The following SCAPER variants were observed in gnomAD, a reference collection of about 807,000 sequenced individuals.
SCAPER encodes the protein S-phase cyclin A associated protein in the ER.
SCAPER carries 98 observed loss-of-function variants against 182.2 expected under a neutral mutation model. The ratio of observed to expected loss-of-function variants is 0.54; its 90% CI spans 0.46 to 0.64. The LOEUF is 0.64. Among genes scored for constraint, SCAPER ranks in the 30% least tolerant of loss-of-function variants. The pLI is 0.00. For synonymous variants in SCAPER, 605 were observed against 564.6 expected (o/e 1.07, Z -1.01); for missense variants, 1,432 against 1,690.0 (o/e 0.85, Z 2.68).
intron 15 of SCAPER, among the ~76,000 whole-genome samples, chr15:76,752,150 T>C: frequency 6.6e-6 from 1 of 151,296 alleles, no homozygotes; most frequent in Non-Finnish European, 1.5e-5. Flanking sequence ...TCACTAATCA[T>C]TAGAGAAATG....
intron 17 of SCAPER, among the ~76,000 whole-genome samples, chr15:76,723,553 TG>T (rs1284156910): frequency 6.6e-6 from 1 of 152,186 alleles, no homozygotes; most frequent in Non-Finnish European, 1.5e-5. Flanking sequence ...CCATTATTAT[TG>T]TGTGGAAGTC....
intron 25 of SCAPER, among the ~76,000 whole-genome samples, chr15:76,437,894 C>G (rs549117535): frequency 6.6e-6 from 1 of 152,302 alleles, no homozygotes; most frequent in Non-Finnish European, 1.5e-5. Context: ...CTTTGCTCAT[C>G]CTCAGGCTTT....
intron 14 of SCAPER, among the ~76,000 whole-genome samples, chr15:76,760,382 A>G (rs1457108771): frequency 6.6e-6 from 1 of 152,234 alleles, no homozygotes; most frequent in Non-Finnish European, 1.5e-5. Flanking sequence ...GGATGCAGAT[A>G]AACAGCCAGA....
chr15:76,511,843 A>ATATATGTGTGTGTG lies in SCAPER; in HGVS notation c.2839-6870_2839-6869insCACACACACATATA, dbSNP rs151255382. ...AGATACACTTATTATATATATATAT[A>ATATATGTGTGTGTG]TGTGTGTGTGTGTGTGTGTGTGTGT... On this transcript the variant is annotated intron_variant, in intron 23 of 31. Coordinates refer to ENST00000563290, the MANE Select transcript of SCAPER (RefSeq NM_020843.4). Among the ~76,000 whole-genome samples, 12 of 123,292 alleles carry ATATATGTGTGTGTG rather than the reference A, an allele frequency of 9.7e-5. No homozygotes were observed. In the East Asian group the frequency reaches 1.2e-3, roughly 12 times the overall value. The allele number at this position is 123,292 out of a possible 152,430, so 80.9% of individuals were successfully genotyped here.
At chr15:76,790,786 C>T (rs1044327929) in intron 8 of SCAPER, among the ~76,000 whole-genome samples, 1 of 152,118 alleles carries the variant, frequency 6.6e-6, no homozygotes, top group Non-Finnish European at 1.5e-5. Context: ...AAAAGAACCA[C>T]TTTTTGGCTT....
At chr15:76,519,205 G>A (rs759736431) in intron 23 of SCAPER, among the ~76,000 whole-genome samples, 5 of 152,114 alleles carry the variant, frequency 3.3e-5, no homozygotes, top group South Asian at 2.1e-4. Flanking sequence ...TTTACACAAC[G>A]CTTTTAATCT....
At chr15:76,456,332 T>C (rs2048733140) in intron 25 of SCAPER, among the ~76,000 whole-genome samples, 1 of 152,196 alleles carries the variant, frequency 6.6e-6, no homozygotes. Flanking sequence ...CCAACATCTG[T>C]TGTTTCCTGA....
chr15:76,641,531 G>A (rs981571100), intron 21 of SCAPER, among the ~76,000 whole-genome samples: 3 of 152,012 alleles, frequency 2.0e-5, no homozygotes, highest in African/African-American at 4.8e-5. Context: ...CTGCTGATCC[G>A]CCTGGGAACA....
At chr15:76,527,082 G>A (rs1356356604) in intron 23 of SCAPER, among the ~76,000 whole-genome samples, 2 of 151,986 alleles carry the variant, frequency 1.3e-5, no homozygotes, top group African/African-American at 2.4e-5. Flanking sequence ...CACCATGTTG[G>A]CCAGGCTGGT....
chr15:76,538,387 T>TAA (rs1477822902), intron 23 of SCAPER, among the ~76,000 whole-genome samples: 3 of 150,200 alleles, frequency 2.0e-5, no homozygotes, highest in African/African-American at 7.4e-5. Flanking sequence ...TATGCAGCCA[T>TAA]AAAAAATGAT....
chr15:76,497,148 T>C (rs932225223), intron 24 of SCAPER, among the ~76,000 whole-genome samples: 2 of 138,800 alleles, frequency 1.4e-5, no homozygotes, highest in Non-Finnish European at 3.1e-5. Flanking sequence ...TCCTTAGTCC[T>C]GTAAAACCTG....
chr15:76,668,877 C>T (rs1424834162), intron 20 of SCAPER, among the ~76,000 whole-genome samples: 1 of 152,156 alleles, frequency 6.6e-6, no homozygotes, highest in Non-Finnish European at 1.5e-5. Context: ...GCCCTTATTA[C>T]ACAAGATACA....
At chr15:76,571,300 GGA>G (rs901899026) in intron 23 of SCAPER, among the ~76,000 whole-genome samples, 31 of 152,132 alleles carry the variant, frequency 2.0e-4, no homozygotes, top group African/African-American at 7.5e-4. Flanking sequence ...GTTTTTGTTG[GGA>G]GAGTTGATAC....
chr15:76,435,852 C>A (rs535290746), intron 25 of SCAPER, among the ~76,000 whole-genome samples: 35 of 152,198 alleles, frequency 2.3e-4, no homozygotes, highest in Non-Finnish European at 4.1e-4. Context: ...ATTCCTAATA[C>A]TTCAGTGCAC....
At chr15:76,779,218 T>C (rs2063937375) in intron 8 of SCAPER, among the ~76,000 whole-genome samples, 1 of 151,692 alleles carries the variant, frequency 6.6e-6, no homozygotes, top group African/African-American at 2.4e-5. Context: ...TATACAAAAA[T>C]CTATCCAACA....
intron 27 of SCAPER, among the ~76,000 whole-genome samples, chr15:76,392,367 C>T (rs1304822475): frequency 6.6e-6 from 1 of 152,196 alleles, no homozygotes; most frequent in African/African-American, 2.4e-5. Context: ...CCCCCATTTA[C>T]TCCTGTCATG....
intron 1 of SCAPER, among the ~76,000 whole-genome samples, chr15:76,891,367 A>T (rs1357877503): frequency 6.6e-6 from 1 of 152,220 alleles, no homozygotes; most frequent in East Asian, 1.9e-4. Context: ...TTAGGAAGAG[A>T]GGAAGTCAAA....
At chr15:76,891,122 C>T (rs2152598251) in intron 1 of SCAPER, among the ~76,000 whole-genome samples, 1 of 152,324 alleles carries the variant, frequency 6.6e-6, no homozygotes, top group East Asian at 1.9e-4. Flanking sequence ...TTCAACATCT[C>T]TTCATGCTAA....
intron 24 of SCAPER, among the ~76,000 whole-genome samples, chr15:76,477,254 A>G (rs2143009553): frequency 6.6e-6 from 1 of 152,312 alleles, no homozygotes; most frequent in South Asian, 2.1e-4. Flanking sequence ...TTCAGAGTGA[A>G]AGTCTAGTGT....
Sources: gnomAD v4.1 joint callset for allele counts (sites outside exome capture counted in the v4.1 genomes callset) on GRCh38, gnomAD v4.1.1 for gene constraint, MANE v1.5 for transcripts, NCBI Gene and HGNC (gene_info 2026-07-23, HGNC 2026-07-21) for gene names.